Variants in SLC25A26 observed in about 807,000 individuals in gnomAD.
SLC25A26 encodes the protein solute carrier family 25 member 26, also known as mitochondrial S-adenosylmethionine carrier protein.
In SLC25A26, 36 loss-of-function variants were observed where a neutral mutation model predicts 37.8. That is an observed-to-expected ratio of 0.95 (90% CI 0.73 to 1.26). The LOEUF (loss-of-function observed/expected upper bound fraction) is 1.26. Ranked by LOEUF, SLC25A26 falls within the 50% of genes most tolerant of loss-of-function variation. SLC25A26 has a pLI of 0.00. For missense variants in SLC25A26, 390 were observed against 331.1 expected (o/e 1.18, Z -1.38); for synonymous variants, 129 against 122.5 (o/e 1.05, Z -0.35).
chr3:66,193,649 C>T (rs1368986387), intron 1 of SLC25A26, among the ~76,000 whole-genome samples: 1 of 151,296 alleles, frequency 6.6e-6, no homozygotes, highest in Non-Finnish European at 1.5e-5. Context: ...AGAGATGTTT[C>T]TAACCTTGAA....
Position 66,377,963 on chromosome 3 carries a change from G to A in SLC25A26, c.*156G>A, listed in dbSNP as rs1259087987. 7 of 619,116 alleles carry A rather than the reference G, an allele frequency of 1.1e-5. No individual in the cohort carries two copies. The highest frequency in any genetic ancestry group is 2.0e-5 in the Non-Finnish European group (7 of 352,888). 38.4% of individuals were successfully genotyped at this position (619,116 alleles called of 1,614,324 possible). ...GATTGTGCCATCCGTGGTATAGGCT[G>A]GCTGGTATGAAGTCATTGGCCTGTA... On this transcript the variant is annotated 3_prime_UTR_variant, in exon 10 of 10. Coordinates refer to ENST00000354883, the MANE Select transcript of SLC25A26 (RefSeq NM_001379210.1).
chr3:66,320,259 C>T (rs993228765), intron 5 of SLC25A26, among the ~76,000 whole-genome samples: 3 of 152,002 alleles, frequency 2.0e-5, no homozygotes, highest in Admixed American at 6.6e-5. Context: ...GCAATAACTC[C>T]CCACTCTCCC....
chr3:66,214,828 T>C (rs1269594976), intron 1 of SLC25A26, among the ~76,000 whole-genome samples: 1 of 152,138 alleles, frequency 6.6e-6, no homozygotes, highest in East Asian at 1.9e-4. Context: ...ATCTCAAGAA[T>C]AGAAAAATGT....
At chr3:66,209,176 G>A (rs2071236234) in intron 1 of SLC25A26, among the ~76,000 whole-genome samples, 1 of 115,112 alleles carries the variant, frequency 8.7e-6, no homozygotes. Context: ...GGTATATAAA[G>A]ATATATATAT....
chr3:66,372,253 C>T (rs1037646373), intron 9 of SLC25A26, among the ~76,000 whole-genome samples: 1 of 152,184 alleles, frequency 6.6e-6, no homozygotes, highest in Non-Finnish European at 1.5e-5. Flanking sequence ...TCTGTGGCAA[C>T]TGTTGGGCAA....
At chr3:66,310,108 C>T (rs886471661) in intron 5 of SLC25A26, among the ~76,000 whole-genome samples, 1 of 152,140 alleles carries the variant, frequency 6.6e-6, no homozygotes, top group African/African-American at 2.4e-5. Context: ...GTGTTAAAGT[C>T]TCCCACTATT....
chr3:66,290,888 G>C (rs2074682769), intron 5 of SLC25A26, among the ~76,000 whole-genome samples: 1 of 152,170 alleles, frequency 6.6e-6, no homozygotes, highest in East Asian at 1.9e-4. Flanking sequence ...CAGAAGGAAT[G>C]GTACCAGCTC....
intron 5 of SLC25A26, among the ~76,000 whole-genome samples, chr3:66,280,249 G>T (rs2074291808): frequency 6.6e-6 from 1 of 152,134 alleles, no homozygotes; most frequent in African/African-American, 2.4e-5. Context: ...TGTATTTGAA[G>T]GAGAAAGTAG....
chr3:66,243,075 T>A (rs901311843), intron 2 of SLC25A26, 128 bp from the exon 3 acceptor site: 4 of 567,330 alleles, frequency 7.1e-6, no homozygotes, highest in African/African-American at 5.7e-5. Flanking sequence ...AGAAAAGATA[T>A]GTGCTTATCA....
intron 5 of SLC25A26, among the ~76,000 whole-genome samples, chr3:66,270,346 T>G (rs2073915572): frequency 6.6e-6 from 1 of 152,184 alleles, no homozygotes; most frequent in Admixed American, 6.5e-5. Flanking sequence ...AATGTGAAAT[T>G]GTTTTTCAGT....
chr3:66,305,652 C>T (rs373191483), intron 5 of SLC25A26, among the ~76,000 whole-genome samples: 1 of 151,914 alleles, frequency 6.6e-6, no homozygotes, highest in Admixed American at 6.6e-5. Flanking sequence ...TGTGTTGTTT[C>T]CCTCCCTGTG....
chr3:66,230,965 A>G (rs2071997870), intron 1 of SLC25A26, among the ~76,000 whole-genome samples: 1 of 152,174 alleles, frequency 6.6e-6, no homozygotes. Context: ...ACCTGAGGTC[A>G]GGAGTTCAAA....
At chr3:66,281,596 A>T (rs2074339428) in intron 5 of SLC25A26, among the ~76,000 whole-genome samples, 1 of 152,308 alleles carries the variant, frequency 6.6e-6, no homozygotes, top group East Asian at 1.9e-4. Context: ...TTGAGTTAGA[A>T]TTCATGTACC....
At chr3:66,337,876 A>C (rs1355574953) in intron 5 of SLC25A26, among the ~76,000 whole-genome samples, 3 of 151,994 alleles carry the variant, frequency 2.0e-5, no homozygotes, top group Non-Finnish European at 4.4e-5. Flanking sequence ...CTTCACCTTG[A>C]CTACTATTAT....
chr3:66,268,299 G>C (rs1054566912), intron 5 of SLC25A26, among the ~76,000 whole-genome samples: 1 of 152,114 alleles, frequency 6.6e-6, no homozygotes, highest in African/African-American at 2.4e-5. Context: ...GAAAAGTATC[G>C]GCATTTGTAA....
chr3:66,361,982 G>GAAGA (rs536206920), intron 6 of SLC25A26, among the ~76,000 whole-genome samples: 380 of 151,944 alleles, frequency 2.5e-3, no homozygotes, highest in African/African-American at 8.7e-3. Flanking sequence ...CAAAAAAAAA[G>GAAGA]AAGAAAGAAA....
intron 5 of SLC25A26, among the ~76,000 whole-genome samples, chr3:66,265,284 G>A (rs574128276): frequency 1.6e-4 from 24 of 152,142 alleles, no homozygotes; most frequent in East Asian, 7.7e-4. Context: ...TCCAGCCTGG[G>A]TGACAGAGAG....
chr3:66,155,744 A>C (rs1457442880), intron 1 of SLC25A26, among the ~76,000 whole-genome samples: 1 of 152,198 alleles, frequency 6.6e-6, no homozygotes, highest in Non-Finnish European at 1.5e-5. Context: ...CTGAAAAACC[A>C]GCACACTCAA....
intron 5 of SLC25A26, among the ~76,000 whole-genome samples, chr3:66,302,380 T>G (rs1365536190): frequency 6.6e-6 from 1 of 152,242 alleles, no homozygotes; most frequent in Admixed American, 6.5e-5. Flanking sequence ...GGCCTACATT[T>G]CTGCATGGCA....
Sources: allele counts gnomAD v4.1 joint callset (sites outside exome capture counted in the v4.1 genomes callset), GRCh38; gene constraint gnomAD v4.1.1; transcripts MANE v1.5; gene names NCBI Gene and HGNC (gene_info 2026-07-23, HGNC 2026-07-21).